Variants in PUM3 observed in about 807,000 individuals in gnomAD.
PUM3 encodes pumilio homolog 3.
In PUM3, 91 loss-of-function variants were observed where a neutral mutation model predicts 84.0. The observed-to-expected ratio is 1.08, with a 90% confidence interval of 0.91 to 1.29. PUM3 has a LOEUF of 1.29. PUM3 is among the 50% of genes most tolerant of loss of function. PUM3 has a pLI of 0.00. For missense variants in PUM3, 1,067 were observed against 767.5 expected (o/e 1.39, Z -4.61); for synonymous variants, 321 against 266.7 (o/e 1.20, Z -1.98).
At chr9:2,808,915 G>A (rs571911526) in intron 16 of PUM3, among the ~76,000 whole-genome samples, 30 of 152,214 alleles carry the variant, frequency 2.0e-4, no homozygotes, top group African/African-American at 6.3e-4. Context: ...GAAGTGCCAC[G>A]CATTTACTTT....
At chr9:2,820,853 C>G (rs1047176978) in intron 12 of PUM3, among the ~76,000 whole-genome samples, 1 of 152,134 alleles carries the variant, frequency 6.6e-6, no homozygotes, top group Non-Finnish European at 1.5e-5. Context: ...GATGCTAATA[C>G]TGTTCCAAAC....
Position 2,828,683 on chromosome 9 carries a change from C to G in PUM3, c.948G>C (p.Met316Ile). Residue 316 changes from methionine (M) to isoleucine (I), a missense_variant, in exon 9 of 18, where the codon ATG becomes ATC. Physicochemically the swap from Met to Ile is conservative, Grantham distance 10. Transcript: ENST00000397885. ...MDEMKQILTP[M>I]AQKEAVIKHS... ...AAAAACAACTTTCTTACTTTTGGGC[C>G]ATTGGAGTTAGAATCTGTTTCATTT... 7 of 1,574,592 alleles carry G rather than the reference C, an allele frequency of 4.4e-6. No individual in the cohort carries two copies. Among genetic ancestry groups the G allele is most frequent in the African/African-American group, 1.4e-5 (1 of 74,050 alleles).
intron 1 of PUM3, among the ~76,000 whole-genome samples, chr9:2,843,734 A>G (rs1024057740): frequency 2.6e-5 from 4 of 151,600 alleles, no homozygotes; most frequent in African/African-American, 4.9e-5. Flanking sequence ...GCCCGCCACC[A>G]TGCCCGGCTA....
At chr9:2,817,532 G>C (rs1445668166) in intron 13 of PUM3, among the ~76,000 whole-genome samples, 1 of 152,114 alleles carries the variant, frequency 6.6e-6, no homozygotes, top group Non-Finnish European at 1.5e-5. Flanking sequence ...AAAAAAGCAA[G>C]ATGCAGAAAA....
At chr9:2,831,839 T>C (rs563314483) in intron 5 of PUM3, among the ~76,000 whole-genome samples, 3 of 152,330 alleles carry the variant, frequency 2.0e-5, no homozygotes, top group Admixed American at 2.0e-4. Context: ...ATAAACACTG[T>C]CAATTATATA....
chr9:2,826,443 T>A (rs1815821636), intron 10 of PUM3, among the ~76,000 whole-genome samples: 1 of 151,486 alleles, frequency 6.6e-6, no homozygotes, highest in Admixed American at 6.5e-5. Context: ...AAAACTCCAA[T>A]GAATGTATAG....
intron 3 of PUM3, among the ~76,000 whole-genome samples, chr9:2,836,810 CGTGTGT>C (rs145780551): frequency 6.7e-6 from 1 of 150,174 alleles, no homozygotes; most frequent in Non-Finnish European, 1.5e-5. Flanking sequence ...TGTGTGTGTG[CGTGTGT>C]GTGTGTGTGT....
chr9:2,831,379 T>C (rs1201065124), intron 5 of PUM3, 35 bp from the exon 6 acceptor site: 1 of 1,293,538 alleles, frequency 7.7e-7, no homozygotes, highest in African/African-American at 1.5e-5. Context: ...CTAATTCTCT[T>C]TTGAGACTTA....
chr9:2,838,397 C>G lies in PUM3; in HGVS notation c.82+29G>C, dbSNP rs751282707. 2.0e-6 allele frequency: 3 copies of G among 1,499,358 alleles called. No individual in the cohort carries two copies. In the South Asian group the frequency reaches 3.4e-5, roughly 17 times the overall value. The allele number at this position is 1,499,358 out of a possible 1,614,324, so 92.9% of individuals were successfully genotyped here. A position where few individuals can be genotyped will look rare whatever the true frequency, so the allele number is the denominator to read the frequency against. On this transcript the variant is annotated intron_variant, in intron 2 of 17. Transcript: ENST00000397885. ...CCTCCCATCCCCCAATTATAACAGC[C>G]AAACACCCACATGGGAAGCATATCT...
At chr9:2,831,091 G>A (rs1405894479) in intron 6 of PUM3, 63 bp from the exon 7 acceptor site, 2 of 1,013,906 alleles carry the variant, frequency 2.0e-6, no homozygotes, top group Admixed American at 2.4e-5. Context: ...GAAACAAAGG[G>A]AGGAAATTTG....
chr9:2,825,025 G>T (rs1390129478), intron 10 of PUM3, among the ~76,000 whole-genome samples: 1 of 152,140 alleles, frequency 6.6e-6, no homozygotes, highest in Non-Finnish European at 1.5e-5. Context: ...AATACTGCTG[G>T]CAGACAATAT....
At chr9:2,805,212 T>G (rs1821235618) in intron 17 of PUM3, among the ~76,000 whole-genome samples, 1 of 152,184 alleles carries the variant, frequency 6.6e-6, no homozygotes, top group African/African-American at 2.4e-5. Context: ...TGACACTTAG[T>G]AAGCACTTAA....
rs779648737 is a variant in PUM3 at position 2,811,453 on chromosome 9, G to A, written c.1543C>T (p.Leu515=). ...KSACVLVSDI[L]GSATGDVQPT... is the part of the protein sequence containing the mutation. The stretch of plus-strand genomic sequence containing the variant: ...TGAACGTCTCCAGTGGCAGATCCCA[G>A]AATGTCAGACACCAACACACACGCA... Residue 515 remains leucine, a synonymous_variant, in exon 15 of 18, where the codon CTG becomes TTG. Coordinates refer to ENST00000397885, the MANE Select transcript of PUM3 (RefSeq NM_014878.5). 2.2e-5 allele frequency: 36 copies of A among 1,614,034 alleles called. No homozygotes were observed. In the Middle Eastern group the frequency reaches 4.9e-4, roughly 22 times the overall value.
At position 2,831,312 on chromosome 9, in the gene PUM3, G is replaced by C. The variant is rs764756748; in HGVS notation, c.549C>G (p.Ile183Met). 3 of 1,609,316 alleles carry C rather than the reference G, an allele frequency of 1.9e-6. No homozygotes were observed. Among genetic ancestry groups the C allele is most frequent in the South Asian group, 2.2e-5 (2 of 89,786 alleles). ...CATTACCATACTGAATGTAACACTG[G>C]ATCACACGAGTTGAATCGTGTGCAA... ...IAFAHDSTRV[I>M]QCYIQYGNEE... Residue 183 changes from isoleucine to methionine, a missense_variant, in exon 6 of 18, where the codon ATC becomes ATG. Ile to Met is a conservative substitution (Grantham distance 10, BLOSUM62 1). Transcript: ENST00000397885.
At chr9:2,812,418 A>T in intron 13 of PUM3, 56 bp from the exon 14 acceptor site, 2 of 1,180,624 alleles carry the variant, frequency 1.7e-6, no homozygotes, top group Admixed American at 4.6e-5. Flanking sequence ...AAAACAAAGT[A>T]CCACAGGACC....
intron 10 of PUM3, among the ~76,000 whole-genome samples, chr9:2,825,795 C>G (rs1450156288): frequency 1.3e-5 from 2 of 152,162 alleles, no homozygotes; most frequent in Admixed American, 1.3e-4. Flanking sequence ...TTTTCAAAGT[C>G]TAAGGCATGT....
rs1821216197 is a variant in PUM3 at position 2,804,280 on chromosome 9, CAGAACAG to C, written c.*44_*50del. 6.3e-7 allele frequency: 1 copy of C among 1,581,050 alleles called. No individual in the cohort carries two copies. The highest frequency in any genetic ancestry group is 8.6e-7 in the Non-Finnish European group (1 of 1,163,142). On this transcript the variant is annotated 3_prime_UTR_variant, in exon 18 of 18. Coordinates refer to ENST00000397885, the MANE Select transcript of PUM3 (RefSeq NM_014878.5). Reference sequence around the variant, plus strand: ...ACCCCTTCTTTTCTGCATTGGGAAACAGAACAGAGAACAGAAAAAATCATTCCATCTT... The same window carrying C: ...ACCCCTTCTTTTCTGCATTGGGAAACAGAACAGAAAAAATCATTCCATCTT...
At chr9:2,811,657 C>G (rs1821377314) in intron 14 of PUM3, 74 bp from the exon 15 acceptor site, 1 of 1,041,568 alleles carries the variant, frequency 9.6e-7, no homozygotes, top group Admixed American at 1.9e-5. Flanking sequence ...ATCACAAAAA[C>G]CTCTAAGAGC....
chr9:2,821,784 G>A (rs1239312104), intron 12 of PUM3, among the ~76,000 whole-genome samples: 1 of 152,090 alleles, frequency 6.6e-6, no homozygotes, highest in African/African-American at 2.4e-5. Context: ...GTGTTTCCAT[G>A]TAAGTACAAA....
Sources: gnomAD v4.1 joint callset for allele counts (sites outside exome capture counted in the v4.1 genomes callset) on GRCh38, gnomAD v4.1.1 for gene constraint, MANE v1.5 for transcripts, NCBI Gene and HGNC (gene_info 2026-07-23, HGNC 2026-07-21) for gene names.